C5orf15: variants seen among roughly 807,000 people sequenced by gnomAD.
The protein encoded by C5orf15 is chromosome 5 open reading frame 15, also known as keratinocyte-associated transmembrane protein 2.
In C5orf15, 10 loss-of-function variants were observed where a neutral mutation model predicts 17.8. The observed-to-expected ratio is 0.56, with a 90% CI of 0.35 to 0.95. The LOEUF is 0.95. Ranked by LOEUF, C5orf15 falls within the 40% of genes least tolerant of loss-of-function variation. C5orf15 has a pLI of 0.02. For synonymous variants in C5orf15, 124 were observed against 131.0 expected, an observed-to-expected ratio of 0.95 and a Z score of 0.36; for missense variants, 319 against 331.7, an observed-to-expected ratio of 0.96 and a Z score of 0.30.
intron 1 of C5orf15, among the ~76,000 whole-genome samples, 159 bp from the exon 2 acceptor site, chr5:133,960,179 A>G (rs1472600302): frequency 2.0e-5 from 3 of 152,246 alleles, no homozygotes; most frequent in Non-Finnish European, 4.4e-5. Flanking sequence ...GCATTCAGTT[A>G]CATTTCTTCT....
At chr5:133,958,113 G>T (rs1023767528) in intron 2 of C5orf15, among the ~76,000 whole-genome samples, 3 of 151,962 alleles carry the variant, frequency 2.0e-5, no homozygotes, top group Non-Finnish European at 2.9e-5. Flanking sequence ...GCCAGGCACA[G>T]TGGCTCACGC....
In C5orf15 at chr5:133,959,765, A is replaced by G. The variant is rs188585825; in HGVS notation, c.395T>C (p.Leu132Pro). The change falls in exon 2 of 3, where the codon CTG (leucine) becomes CCG (proline). Residue 132 changes from leucine (L) to proline (P), a missense_variant. By Grantham distance (98) the Leu-to-Pro change is moderately conservative. Transcript: ENST00000231512. ...PSIEEEDLLM[L>P]NSSPSTAKDT... is the part of the protein sequence containing the mutation. The stretch of plus-strand genomic sequence containing the variant: ...TTTGGCTGTGGATGGAGAACTGTTC[A>G]GCATGAGAAGATCCTCCTCCTCTAT... 3.7e-6 allele frequency: 6 copies of G among 1,614,146 alleles called. No individual in the cohort carries two copies. The Admixed American group carries it at 6.7e-5, about 18-fold the overall frequency.
intron 2 of C5orf15, among the ~76,000 whole-genome samples, 183 bp from the exon 3 acceptor site, chr5:133,957,173 T>A (rs1003133401): frequency 6.6e-6 from 1 of 152,122 alleles, no homozygotes; most frequent in Non-Finnish European, 1.5e-5. Context: ...GAGACCAGCC[T>A]AAGCAACATG....
At chr5:133,961,592 C>CT (rs1752125919) in intron 1 of C5orf15, among the ~76,000 whole-genome samples, 1 of 147,630 alleles carries the variant, frequency 6.8e-6, no homozygotes. Flanking sequence ...TCTCTTTTTC[C>CT]CTTTTTTTTT....
intron 2 of C5orf15, among the ~76,000 whole-genome samples, chr5:133,958,576 CAA>C (rs71581378): frequency 6.3e-5 from 2 of 31,980 alleles, no homozygotes; most frequent in African/African-American, 1.6e-4. Context: ...AGCTCTGTCT[CAA>C]AAAAAAAAAA....
chr5:133,962,853 A>G (rs193022769), intron 1 of C5orf15, among the ~76,000 whole-genome samples: 4 of 152,256 alleles, frequency 2.6e-5, no homozygotes, highest in East Asian at 3.9e-4. Context: ...AACTTGCCCA[A>G]TACACTCTCT....
rs531855620 is a variant in C5orf15 at position 133,968,526 on chromosome 5, C to T, written c.59G>A (p.Gly20Glu). ...CCCCACAAGGGCTTGGATGGCCGAC[C>T]CGGGCAGCAGTTTCGCTTGTGCTGG... ...RGPAQAKLLPGSAIQALVGLA... is the reference protein window; with the variant it reads ...RGPAQAKLLPESAIQALVGLA... Residue 20 changes from glycine (G) to glutamate (E), a missense_variant, in exon 1 of 3, where the codon GGG becomes GAG. This residue lies in a region of C5orf15 where 127 missense variants were observed against 95.6 expected (regional missense o/e 1.33). Transcript: ENST00000231512. 6.2e-7 allele frequency: 1 copy of T among 1,608,616 alleles called. No homozygotes were observed. Among genetic ancestry groups the T allele is most frequent in the East Asian group, 2.2e-5 (1 of 44,718 alleles).
rs186541231 is a variant in C5orf15, at chr5:133,965,353, T to C, written c.139+3093A>G. The stretch of plus-strand genomic sequence containing the variant: ...CCTAGCACCAAGTAGGAGCAGAATG[T>C]CTTAGTCAAGCAGTAAAATCTTGGA... On this transcript the variant is annotated intron_variant, in intron 1 of 2. Transcript: ENST00000231512. Among the ~76,000 whole-genome samples the C allele has an allele frequency of 3.9e-5, 6 of 152,242 alleles. No homozygotes were observed. In the East Asian group the frequency reaches 1.2e-3, roughly 29 times the overall value.
intron 1 of C5orf15, among the ~76,000 whole-genome samples, chr5:133,964,799 G>A (rs1404317389): frequency 6.6e-6 from 1 of 151,846 alleles, no homozygotes; most frequent in African/African-American, 2.4e-5. Context: ...TCTGACATAT[G>A]CAGCATTTGA....
chr5:133,959,404 CAAAAAAAA>C (rs397999300), intron 2 of C5orf15, 82 bp downstream of exon 2: 75 of 124,562 alleles, frequency 6.0e-4, no homozygotes, highest in Admixed American at 3.3e-3. Context: ...CTTTTTTTTG[CAAAAAAAA>C]AAAAAAAAAA....
At chr5:133,961,232 TAAAAAAAAAAAAAAAAAAAAAAAA>T (rs56684565) in intron 1 of C5orf15, among the ~76,000 whole-genome samples, 1 of 30,440 alleles carries the variant, frequency 3.3e-5, no homozygotes. Context: ...AGTCAGTTAG[TAAAAAAAAAAAAAAAAAAAAAAAA>T]AAAAAAAGGC....
intron 1 of C5orf15, among the ~76,000 whole-genome samples, chr5:133,961,593 CTT>C (rs555242447): frequency 7.0e-6 from 1 of 142,140 alleles, no homozygotes; most frequent in African/African-American, 2.6e-5. Flanking sequence ...CTCTTTTTCC[CTT>C]TTTTTTTTTT....
intron 1 of C5orf15, among the ~76,000 whole-genome samples, chr5:133,965,153 T>C (rs948093609): frequency 6.6e-6 from 1 of 152,166 alleles, no homozygotes; most frequent in Admixed American, 6.5e-5. Context: ...TCAATAAATA[T>C]TTATTGAATA....
chr5:133,958,633 A>G (rs1344509470), intron 2 of C5orf15, among the ~76,000 whole-genome samples: 1 of 151,200 alleles, frequency 6.6e-6, no homozygotes. Flanking sequence ...CTTAAAAATC[A>G]TTACATACAC....
At chr5:133,961,882 TA>T (rs1283302606) in intron 1 of C5orf15, among the ~76,000 whole-genome samples, 2 of 151,898 alleles carry the variant, frequency 1.3e-5, no homozygotes, top group African/African-American at 4.8e-5. Flanking sequence ...GGGATTACAG[TA>T]AAACTCTTAA....
chr5:133,967,328 C>A (rs1752210424), intron 1 of C5orf15: 1 of 152,190 alleles, frequency 6.6e-6, no homozygotes, highest in South Asian at 2.1e-4. Flanking sequence ...TAAGTATGTA[C>A]CCACAGTACT....
At position 133,956,749 on chromosome 5, in the gene C5orf15, A is replaced by G; in HGVS notation, c.*110T>C. 1 of 1,109,330 alleles carries G rather than the reference A, an allele frequency of 9.0e-7. No individual in the cohort carries two copies. The highest frequency in any genetic ancestry group is 1.8e-5 in the South Asian group (1 of 54,572). 68.7% of individuals were successfully genotyped at this position (1,109,330 alleles called of 1,614,324 possible). A position where few individuals can be genotyped will look rare whatever the true frequency, so the allele number is the denominator to read the frequency against. The stretch of plus-strand genomic sequence containing the variant: ...AATTTCCAAAGCACCAAGGCAAAAG[A>G]GAGACTCACCTCTCATTTAAGTACC... On this transcript the variant is annotated 3_prime_UTR_variant, in exon 3 of 3. Transcript: ENST00000231512.
chr5:133,956,780 C>A lies in C5orf15; in HGVS notation c.*79G>T. The A allele has an allele frequency of 1.4e-6, 2 of 1,444,954 alleles. No homozygotes were observed. The highest frequency in any genetic ancestry group is 1.4e-5 in the South Asian group (1 of 69,624). The allele number at this position is 1,444,954 out of a possible 1,614,324, so 89.5% of individuals were successfully genotyped here. A position where few individuals can be genotyped will look rare whatever the true frequency, so the allele number is the denominator to read the frequency against. On this transcript the variant is annotated 3_prime_UTR_variant, in exon 3 of 3. Transcript: ENST00000231512. ...TCACCTCTCATTTAAGTACCAATTG[C>A]CTATGGCAAACATTTGCACAATATC...
rs770486539 is a variant in C5orf15 at position 133,968,612 on chromosome 5, T to C, written c.-28A>G. 1.3e-5 allele frequency: 21 copies of C among 1,589,536 alleles called. No individual in the cohort carries two copies. The highest frequency in any genetic ancestry group is 1.7e-5 in the Non-Finnish European group (20 of 1,168,380). ...CGGACTCGGCTGGGAGCCTGCGCTG[T>C]TGCTAGGCTCTACGCCATGAGGTCA... On this transcript the variant is annotated 5_prime_UTR_variant, in exon 1 of 3. Transcript: ENST00000231512.
Sources: allele counts gnomAD v4.1 joint callset (sites outside exome capture counted in the v4.1 genomes callset), GRCh38; gene constraint gnomAD v4.1.1; regional missense constraint gnomAD v4.1.1; transcripts MANE v1.5; gene names NCBI Gene and HGNC (gene_info 2026-07-23, HGNC 2026-07-21).